Variants in INTS6 observed in about 807,000 individuals in gnomAD.
The protein encoded by INTS6 is integrator complex subunit 6.
Under a neutral mutation model 104.9 loss-of-function variants are expected in INTS6, and 16 were observed. The observed-to-expected ratio is 0.15, with a 90% CI of 0.10 to 0.23. INTS6 has a LOEUF of 0.23. INTS6 is among the 10% of genes least tolerant of loss of function. The probability of loss-of-function intolerance (pLI) is 1.00; values close to 1 mark genes in which losing one functional copy is unlikely to be tolerated. For missense variants in INTS6, 584 were observed against 1,062.8 expected, an observed-to-expected ratio of 0.55 and a Z score of 6.26; for synonymous variants, 324 against 358.7, an observed-to-expected ratio of 0.90 and a Z score of 1.09.
Position 51,364,394 on chromosome 13 carries a change from T to C in INTS6, c.*1358A>G, listed in dbSNP as rs1566200829. ...GATAAAGTGTAAAAAGCTAAGGGTA[T>C]GTGATTTTCAATATTATAAACCTAA... On this transcript the variant is annotated 3_prime_UTR_variant, in exon 18 of 18. Transcript: ENST00000311234. The C allele has an allele frequency of 5.3e-6, 3 of 562,830 alleles. No homozygotes were observed. The highest frequency in any genetic ancestry group is 8.9e-6 in the Non-Finnish European group (3 of 335,974). 34.9% of individuals were successfully genotyped at this position (562,830 alleles called of 1,614,324 possible).
At chr13:51,346,879 T>A in the INTS6 span, 1 of 625,310 alleles carries the variant, frequency 1.6e-6, no homozygotes, top group African/African-American at 1.8e-5. Context: ...TAAAAAGATA[T>A]TGTAAGATGA....
At chr13:51,417,953 A>C (rs1956823099) in intron 4 of INTS6, among the ~76,000 whole-genome samples, 1 of 152,154 alleles carries the variant, frequency 6.6e-6, no homozygotes, top group Admixed American at 6.5e-5. Flanking sequence ...ACCTGAAAAA[A>C]TAAAACAAAC....
intron 15 of INTS6, among the ~76,000 whole-genome samples, chr13:51,369,791 G>C (rs1955769718): frequency 6.6e-6 from 1 of 152,042 alleles, no homozygotes; most frequent in Admixed American, 6.6e-5. Flanking sequence ...AATTCTGCAG[G>C]GAACATACCA....
At chr13:51,419,205 CA>C (rs1361572089) in intron 4 of INTS6, among the ~76,000 whole-genome samples, 12 of 151,982 alleles carry the variant, frequency 7.9e-5, no homozygotes, top group Non-Finnish European at 1.5e-4. Context: ...GATGAGGTGC[CA>C]AAAAAACCTG....
intron 4 of INTS6, among the ~76,000 whole-genome samples, chr13:51,417,069 T>C (rs144288434): frequency 3.9e-5 from 6 of 152,340 alleles, no homozygotes; most frequent in Admixed American, 6.5e-5. Flanking sequence ...TTAAATTAGA[T>C]TGTCTTTTTA....
At chr13:51,412,611 C>A (rs1204550782) in intron 4 of INTS6, among the ~76,000 whole-genome samples, 1 of 152,230 alleles carries the variant, frequency 6.6e-6, no homozygotes, top group Middle Eastern at 3.4e-3. Flanking sequence ...GGGAGAATAA[C>A]CTGTATGTGC....
intron 3 of INTS6, chr13:51,440,218 TC>T (rs1012870756): frequency 6.7e-6 from 1 of 149,778 alleles, no homozygotes; most frequent in African/African-American, 2.5e-5. Flanking sequence ...GCCACTGCAC[TC>T]CAGCCTGGGT....
chr13:51,374,633 A>G (rs373120031), intron 14 of INTS6, 21 bp downstream of exon 14: 30 of 1,612,132 alleles, frequency 1.9e-5, no homozygotes, highest in Non-Finnish European at 2.5e-5. Flanking sequence ...CAAATTACAT[A>G]ATAGAACATT....
At chr13:51,361,434 C>A, downstream of INTS6, 1 of 926,978 alleles carries the variant, frequency 1.1e-6, no homozygotes, top group Non-Finnish European at 1.7e-6. Flanking sequence ...CTAGTTGAAT[C>A]TTCACACTTC....
chr13:51,422,699 T>C (rs778545303), intron 4 of INTS6, among the ~76,000 whole-genome samples: 12 of 152,174 alleles, frequency 7.9e-5, no homozygotes, highest in Non-Finnish European at 1.3e-4. Context: ...GTGACTCACC[T>C]GCTTAAAATC....
chr13:51,351,485 G>C (rs539075838), downstream of INTS6, among the ~76,000 whole-genome samples: 1 of 152,102 alleles, frequency 6.6e-6, no homozygotes, highest in South Asian at 2.1e-4. Context: ...TATTTAAATT[G>C]GTTGTCTTTT....
rs1955583019 is a variant in INTS6 at position 51,361,812 on chromosome 13, C to T, written c.*3940G>A. The T allele has an allele frequency of 6.2e-7, 1 of 1,603,406 alleles. No individual in the cohort carries two copies. The highest frequency in any genetic ancestry group is 8.5e-7 in the Non-Finnish European group (1 of 1,176,468). On this transcript the variant is annotated 3_prime_UTR_variant, in exon 18 of 18. Transcript: ENST00000311234. The stretch of plus-strand genomic sequence containing the variant: ...GAATTTTTCTTTCTTTCCTGCAGCT[C>T]TGTTGTTATTGAAAAGGTCTCGGAT...
intron 3 of INTS6, among the ~76,000 whole-genome samples, chr13:51,430,971 A>C (rs1249234730): frequency 2.0e-5 from 3 of 152,218 alleles, no homozygotes; most frequent in Non-Finnish European, 4.4e-5. Context: ...ATGGTTACCT[A>C]AAGAAAATGC....
At chr13:51,412,928 T>G (rs1956713613) in intron 4 of INTS6, among the ~76,000 whole-genome samples, 1 of 152,182 alleles carries the variant, frequency 6.6e-6, no homozygotes, top group African/African-American at 2.4e-5. Context: ...CAACCCTCAG[T>G]AGGTAACACT....
At chr13:51,344,260 G>A in the INTS6 span, 15 of 1,613,704 alleles carry the variant, frequency 9.3e-6, no homozygotes, top group Admixed American at 2.5e-4. Context: ...AGACAAAAGG[G>A]TGAAAGATTT....
At chr13:51,337,265 T>C in the INTS6 span, among the ~76,000 whole-genome samples, 1 of 152,238 alleles carries the variant, frequency 6.6e-6, no homozygotes, top group African/African-American at 2.4e-5. Flanking sequence ...AATTATGTCC[T>C]TACTGAATTG....
At chr13:51,346,961 C>G in the INTS6 span, 4 of 1,245,522 alleles carry the variant, frequency 3.2e-6, no homozygotes, top group African/African-American at 5.9e-5. Context: ...TCCGCACACA[C>G]ACTGGGTTCG....
At chr13:51,432,932 T>C (rs532588969) in intron 3 of INTS6, among the ~76,000 whole-genome samples, 2 of 152,364 alleles carry the variant, frequency 1.3e-5, no homozygotes, top group East Asian at 1.9e-4. Flanking sequence ...TCTTGGTCTC[T>C]ACCAGTATTT....
At chr13:51,353,215 A>C (rs957320660), downstream of INTS6, among the ~76,000 whole-genome samples, 1 of 151,990 alleles carries the variant, frequency 6.6e-6, no homozygotes, top group Non-Finnish European at 1.5e-5. Context: ...TAGTTTATGA[A>C]AAATGATATT....
Sources: gnomAD v4.1 joint callset for allele counts (sites outside exome capture counted in the v4.1 genomes callset) on GRCh38, gnomAD v4.1.1 for gene constraint, MANE v1.5 for transcripts, NCBI Gene and HGNC (gene_info 2026-07-23, HGNC 2026-07-21) for gene names.